Variants in INPP4B observed in about 807,000 individuals in gnomAD.
INPP4B encodes the protein inositol polyphosphate-4-phosphatase type II B.
INPP4B carries 55 observed loss-of-function variants against 122.5 expected under a neutral mutation model. That is an observed-to-expected ratio of 0.45 (90% confidence interval 0.36 to 0.56). The LOEUF is 0.56. Among genes scored for constraint, INPP4B ranks in the 20% least tolerant of loss-of-function variants. The pLI, the probability that INPP4B is intolerant of heterozygous loss-of-function variation, is 0.00. For synonymous variants in INPP4B, 403 were observed against 388.7 expected (o/e 1.04, Z -0.43); for missense variants, 1,000 against 1,097.7 (o/e 0.91, Z 1.26).
intron 10 of INPP4B, among the ~76,000 whole-genome samples, chr4:142,261,795 C>T (rs66600816): frequency 0.1 from 15,153 of 152,196 alleles, 874 homozygotes; most frequent in South Asian, 0.21. Flanking sequence ...TTAAATGTTA[C>T]TTTCTGTTTT....
intron 2 of INPP4B, among the ~76,000 whole-genome samples, chr4:142,689,366 T>A (rs1482374927): frequency 6.6e-6 from 1 of 152,178 alleles, no homozygotes; most frequent in South Asian, 2.1e-4. Context: ...GTTTGTTGGG[T>A]ATGGACTAGC....
intron 17 of INPP4B, among the ~76,000 whole-genome samples, chr4:142,148,662 G>A (rs745704529): frequency 5.3e-5 from 8 of 152,136 alleles, no homozygotes; most frequent in East Asian, 1.9e-4. Flanking sequence ...ACATTCACAC[G>A]TATATATTGT....
chr4:142,724,988 G>A (rs965276824), intron 2 of INPP4B, among the ~76,000 whole-genome samples: 3 of 152,046 alleles, frequency 2.0e-5, no homozygotes, highest in Non-Finnish European at 4.4e-5. Context: ...AACATACAGT[G>A]TCATCACATC....
intron 7 of INPP4B, among the ~76,000 whole-genome samples, chr4:142,344,169 G>A (rs1270062097): frequency 1.3e-5 from 2 of 151,994 alleles, no homozygotes; most frequent in East Asian, 1.9e-4. Context: ...AGAAGAGCAC[G>A]GATTTAAAGA....
chr4:142,306,149 T>G (rs1763267127), intron 8 of INPP4B, among the ~76,000 whole-genome samples: 1 of 152,098 alleles, frequency 6.6e-6, no homozygotes, highest in African/African-American at 2.4e-5. Flanking sequence ...TTTTTTAGTC[T>G]ATTATATTAG....
At chr4:142,485,765 T>C (rs1462080272) in intron 2 of INPP4B, among the ~76,000 whole-genome samples, 2 of 152,170 alleles carry the variant, frequency 1.3e-5, no homozygotes, top group Non-Finnish European at 2.9e-5. Flanking sequence ...AATTTACTAC[T>C]AGAACTGGTA....
At chr4:142,285,873 C>T (rs1753417448) in intron 9 of INPP4B, among the ~76,000 whole-genome samples, 1 of 152,086 alleles carries the variant, frequency 6.6e-6, no homozygotes, top group African/African-American at 2.4e-5. Context: ...GCAAAATATG[C>T]AAGGGCAGAC....
chr4:142,369,003 G>A (rs1443188509), intron 7 of INPP4B, among the ~76,000 whole-genome samples: 2 of 151,996 alleles, frequency 1.3e-5, no homozygotes, highest in African/African-American at 4.8e-5. Flanking sequence ...AAGAGGAGGA[G>A]GAGGAGAAGG....
At position 142,252,122 on chromosome 4, in the gene INPP4B, G is replaced by A. The variant is rs375849924; in HGVS notation, c.688+8370C>T. On this transcript the variant is annotated intron_variant, in intron 11 of 25. Coordinates refer to ENST00000262992, the MANE Select transcript of INPP4B (RefSeq NM_001101669.3). ...TGATAGTACCTTCCTCATAGCACATGTCAGAGGATTATCTAAGACAAGGTA... is the reference window on the plus strand; with the variant it reads ...TGATAGTACCTTCCTCATAGCACATATCAGAGGATTATCTAAGACAAGGTA... 1.8e-4 allele frequency among the ~76,000 whole-genome samples: 27 copies of A among 151,746 alleles called. No homozygotes were observed. In the East Asian group the frequency reaches 2.5e-3, roughly 14 times the overall value.
At chr4:142,670,676 T>C (rs1173165850) in intron 2 of INPP4B, among the ~76,000 whole-genome samples, 1 of 152,074 alleles carries the variant, frequency 6.6e-6, no homozygotes, top group Non-Finnish European at 1.5e-5. Context: ...GGGAAGATGT[T>C]GTTAAAGGAT....
In INPP4B at chr4:142,653,173, C is replaced by T. The variant is rs183107287; in HGVS notation, c.-191+72666G>A. 1.7e-4 allele frequency among the ~76,000 whole-genome samples: 26 copies of T among 152,216 alleles called. No homozygotes were observed. The East Asian group carries it at 3.1e-3, about 18-fold the overall frequency. ...GCTGGGAAAACTGGCTAGCCATATG[C>T]AGAAAGCTGAAACTGGATCCCTTCC... On this transcript the variant is annotated intron_variant, in intron 2 of 25. Transcript: ENST00000262992.
At chr4:142,059,272 C>T (rs114286280) in intron 25 of INPP4B, among the ~76,000 whole-genome samples, 188 of 152,198 alleles carry the variant, frequency 1.2e-3, no homozygotes, top group Non-Finnish European at 2.1e-3. Context: ...CTTACCTATC[C>T]GGTAATAATA....
At chr4:142,237,355 C>A (rs545561688) in intron 12 of INPP4B, among the ~76,000 whole-genome samples, 1 of 152,100 alleles carries the variant, frequency 6.6e-6, no homozygotes, top group South Asian at 2.1e-4. Context: ...TAGCTCAAAC[C>A]ACAGATGAAA....
chr4:142,313,147 TA>T (rs1766194931), intron 8 of INPP4B, among the ~76,000 whole-genome samples: 2 of 151,998 alleles, frequency 1.3e-5, no homozygotes, highest in South Asian at 4.1e-4. Context: ...ACTCAAGGTT[TA>T]AAATAATTAA....
At chr4:142,690,650 G>A (rs1226023135) in intron 2 of INPP4B, among the ~76,000 whole-genome samples, 1 of 152,166 alleles carries the variant, frequency 6.6e-6, no homozygotes, top group Non-Finnish European at 1.5e-5. Flanking sequence ...CTGGCAAAAA[G>A]GACTGGAGAA....
chr4:142,540,332 GT>G (rs111681875), intron 2 of INPP4B, among the ~76,000 whole-genome samples: 1,657 of 145,862 alleles, frequency 0.011, 27 homozygotes, highest in Admixed American at 0.035. Flanking sequence ...GTTTTTTGGG[GT>G]TTTTTTTTTT....
intron 2 of INPP4B, among the ~76,000 whole-genome samples, chr4:142,491,690 T>C (rs534206471): frequency 6.6e-6 from 1 of 152,184 alleles, no homozygotes; most frequent in East Asian, 1.9e-4. Flanking sequence ...AGTGTGAATA[T>C]ATATTTTTTA....
At chr4:142,214,769 A>T (rs1446016365) in intron 12 of INPP4B, among the ~76,000 whole-genome samples, 3 of 151,980 alleles carry the variant, frequency 2.0e-5, no homozygotes, top group African/African-American at 7.3e-5. Flanking sequence ...GTCAGGCTGG[A>T]CTCGAACTCC....
At chr4:142,029,481 C>T in intron 25 of INPP4B, 1 of 985,668 alleles carries the variant, frequency 1.0e-6, no homozygotes, top group Non-Finnish European at 1.2e-6. Context: ...ACAAAAGTCA[C>T]AAGTGCTGGG....
Sources: gnomAD v4.1 joint callset for allele counts (sites outside exome capture counted in the v4.1 genomes callset) on GRCh38, gnomAD v4.1.1 for gene constraint, MANE v1.5 for transcripts, NCBI Gene and HGNC (gene_info 2026-07-23, HGNC 2026-07-21) for gene names.